The following FHOD3 variants were observed in gnomAD, a reference collection of about 807,000 sequenced individuals.
FHOD3 encodes the protein formin homology 2 domain containing 3.
A neutral mutation model predicts 173.0 loss-of-function variants in FHOD3; 90 were observed. That is an observed-to-expected ratio of 0.52 (90% CI 0.44 to 0.62). The LOEUF is 0.62. Ranked by LOEUF, FHOD3 falls within the 20% of genes least tolerant of loss-of-function variation. The pLI is 0.00. For synonymous variants in FHOD3, 828 were observed against 823.0 expected (o/e 1.01, Z -0.10); for missense variants, 1,945 against 2,034.7 (o/e 0.96, Z 0.85).
intron 3 of FHOD3, among the ~76,000 whole-genome samples, chr18:36,395,814 G>A (rs1457958679): frequency 6.6e-6 from 1 of 152,082 alleles, no homozygotes; most frequent in East Asian, 1.9e-4. Flanking sequence ...TACTGGGTTT[G>A]CTATTTTTGA....
chr18:36,675,895 A>G (rs565325708), intron 14 of FHOD3, among the ~76,000 whole-genome samples: 10 of 152,212 alleles, frequency 6.6e-5, no homozygotes, highest in Non-Finnish European at 5.9e-5. Flanking sequence ...AAACTACCCT[A>G]TTTTTGGTTG....
At chr18:36,503,026 T>C (rs984828089) in intron 4 of FHOD3, among the ~76,000 whole-genome samples, 2 of 152,240 alleles carry the variant, frequency 1.3e-5, no homozygotes, top group African/African-American at 2.4e-5. Context: ...TTTGCTGTTA[T>C]AAACCATGCT....
chr18:36,552,745 G>T (rs1319973191), intron 5 of FHOD3, among the ~76,000 whole-genome samples: 2 of 151,904 alleles, frequency 1.3e-5, no homozygotes, highest in Non-Finnish European at 2.9e-5. Context: ...TGATCCACCC[G>T]CCTCGGCCTC....
At chr18:36,647,336 C>T (rs1181852788) in intron 10 of FHOD3, among the ~76,000 whole-genome samples, 1 of 152,174 alleles carries the variant, frequency 6.6e-6, no homozygotes, top group Non-Finnish European at 1.5e-5. Flanking sequence ...TCCAAATGGA[C>T]ATTAAAAGTG....
intron 27 of FHOD3, among the ~76,000 whole-genome samples, chr18:36,762,972 TATTATATACGTTATATATGCG>T (rs2042952077): frequency 2.0e-5 from 3 of 148,298 alleles, no homozygotes; most frequent in Non-Finnish European, 4.5e-5. Context: ...TATATATGCG[TATTATATACGTTATATATGCG>T]TATTATATAC....
intron 1 of FHOD3, among the ~76,000 whole-genome samples, chr18:36,312,260 C>T (rs1207275030): frequency 6.6e-6 from 1 of 152,148 alleles, no homozygotes; most frequent in Non-Finnish European, 1.5e-5. Flanking sequence ...CTTCTCAATC[C>T]TTCTGCTCCC....
chr18:36,416,791 T>G (rs981390363), intron 3 of FHOD3, among the ~76,000 whole-genome samples: 6 of 152,278 alleles, frequency 3.9e-5, no homozygotes, highest in Admixed American at 2.0e-4. Context: ...CTTAAAACCT[T>G]TGAAAGCCAG....
Position 36,768,032 on chromosome 18 carries a change from T to C in FHOD3, c.4625-1233T>C, listed in dbSNP as rs566137059. Reference sequence around the variant, plus strand: ...TTTTTTCCTCCAAGTTGGGAAAGGCTGGCAGTTCCCTTGTGTTGTACTTTA... The same window carrying C: ...TTTTTTCCTCCAAGTTGGGAAAGGCCGGCAGTTCCCTTGTGTTGTACTTTA... On this transcript the variant is annotated intron_variant, in intron 27 of 28. Transcript: ENST00000590592. 4.7e-4 allele frequency among the ~76,000 whole-genome samples: 72 copies of C among 152,350 alleles called. No individual in the cohort carries two copies. The South Asian group carries it at 0.015, about 31-fold the overall frequency.
At chr18:36,391,411 G>T (rs146592018) in intron 3 of FHOD3, among the ~76,000 whole-genome samples, 5 of 152,294 alleles carry the variant, frequency 3.3e-5, no homozygotes, top group South Asian at 4.2e-4. Flanking sequence ...CCCTTGGCCT[G>T]GCTGGGGTAG....
intron 3 of FHOD3, among the ~76,000 whole-genome samples, chr18:36,491,878 T>G (rs1408385754): frequency 6.6e-6 from 1 of 152,234 alleles, no homozygotes; most frequent in East Asian, 1.9e-4. Flanking sequence ...ATCCTTACCT[T>G]CTATGGGTGG....
intron 1 of FHOD3, among the ~76,000 whole-genome samples, chr18:36,354,992 A>G (rs1221809862): frequency 2.0e-5 from 3 of 152,118 alleles, no homozygotes; most frequent in Non-Finnish European, 2.9e-5. Context: ...CCTGTGTGCT[A>G]TGTTGTAATT....
chr18:36,577,998 C>A (rs137990503), intron 6 of FHOD3, among the ~76,000 whole-genome samples: 11 of 152,084 alleles, frequency 7.2e-5, no homozygotes, highest in Non-Finnish European at 1.2e-4. Flanking sequence ...ACGGGTGGCA[C>A]GTTATGGAGA....
chr18:36,428,346 G>A (rs903229039), intron 3 of FHOD3, among the ~76,000 whole-genome samples: 2 of 152,164 alleles, frequency 1.3e-5, no homozygotes, highest in Non-Finnish European at 2.9e-5. Context: ...TTTTGTTGAT[G>A]AGGCCATTAC....
At chr18:36,598,589 G>A (rs1242621049) in intron 7 of FHOD3, among the ~76,000 whole-genome samples, 4 of 151,540 alleles carry the variant, frequency 2.6e-5, no homozygotes, top group African/African-American at 7.3e-5. Flanking sequence ...GTCTTGCTGT[G>A]TCGCCCAGGC....
chr18:36,445,313 G>T (rs557411920), intron 3 of FHOD3, among the ~76,000 whole-genome samples: 1 of 152,282 alleles, frequency 6.6e-6, no homozygotes, highest in East Asian at 1.9e-4. Context: ...TAAATTCAGT[G>T]ATCTCTTCTG....
rs200164880 is a variant in FHOD3 at position 36,755,397 on chromosome 18, C to CTT, written c.4425+113_4425+114dup. On this transcript the variant is annotated intron_variant, in intron 25 of 28. Transcript: ENST00000590592. ...ATCCTCCCCACAGTTAAAAGCTGTG[C>CTT]TTTTTTTTTTTTTTTTTTTTTTTTT... 114 of 212,578 alleles carry CTT rather than the reference C, an allele frequency of 5.4e-4. 3 individuals are homozygous for CTT. Among genetic ancestry groups the CTT allele is most frequent in the Admixed American group, 7.3e-4 (7 of 9,528 alleles). 13.2% of individuals were successfully genotyped at this position (212,578 alleles called of 1,614,324 possible). A position where few individuals can be genotyped will look rare whatever the true frequency, so the allele number is the denominator to read the frequency against.
intron 3 of FHOD3, among the ~76,000 whole-genome samples, chr18:36,382,795 C>T (rs1598911334): frequency 1.6e-5 from 1 of 60,698 alleles, no homozygotes; most frequent in East Asian, 0.017. Context: ...GTAAGACTGT[C>T]TCTATATTTT....
intron 5 of FHOD3, among the ~76,000 whole-genome samples, chr18:36,549,637 A>G (rs112315716): frequency 0.016 from 2,192 of 139,710 alleles, 59 homozygotes; most frequent in African/African-American, 0.056. Flanking sequence ...TCCCAGGTTC[A>G]TGCCATTCTC....
intron 3 of FHOD3, among the ~76,000 whole-genome samples, chr18:36,392,734 C>T (rs2048363695): frequency 6.6e-6 from 1 of 152,200 alleles, no homozygotes; most frequent in Non-Finnish European, 1.5e-5. Context: ...CTAATTTGTA[C>T]CTCATAGATT....
Sources: allele counts gnomAD v4.1 joint callset (sites outside exome capture counted in the v4.1 genomes callset), GRCh38; gene constraint gnomAD v4.1.1; transcripts MANE v1.5; gene names NCBI Gene and HGNC (gene_info 2026-07-23, HGNC 2026-07-21).